The following TRHDE variants were observed in gnomAD, a reference collection of about 807,000 sequenced individuals.
The protein encoded by TRHDE is thyrotropin releasing hormone degrading enzyme, also known as thyrotropin-releasing hormone-degrading ectoenzyme.
A neutral mutation model predicts 125.7 loss-of-function variants in TRHDE; 72 were observed. The ratio of observed to expected loss-of-function variants is 0.57; its 90% confidence interval spans 0.47 to 0.70. The LOEUF (loss-of-function observed/expected upper bound fraction) is 0.70. Among genes scored for constraint, TRHDE ranks in the 30% least tolerant of loss-of-function variants. The pLI, the probability that TRHDE is intolerant of heterozygous loss-of-function variation, is 0.00. For synonymous variants in TRHDE, 509 were observed against 509.1 expected (o/e 1.00, Z 0.00); for missense variants, 1,110 against 1,327.1 (o/e 0.84, Z 2.54).
intron 2 of TRHDE, among the ~76,000 whole-genome samples, chr12:72,294,891 C>T (rs1283963970): frequency 2.0e-5 from 3 of 151,854 alleles, no homozygotes; most frequent in Non-Finnish European, 4.4e-5. Flanking sequence ...TCAACACTGC[C>T]CTGAGCATGT....
intron 3 of TRHDE, among the ~76,000 whole-genome samples, chr12:72,414,299 C>A (rs565889309): frequency 6.6e-6 from 1 of 152,032 alleles, no homozygotes; most frequent in African/African-American, 2.4e-5. Flanking sequence ...AACATCAGAG[C>A]CCAGGAACAC....
intron 2 of TRHDE, among the ~76,000 whole-genome samples, chr12:72,182,535 G>A (rs1448063155): frequency 6.6e-6 from 1 of 152,176 alleles, no homozygotes; most frequent in East Asian, 1.9e-4. Context: ...CGTAGTTGAA[G>A]TTTTCTTCTA....
At chr12:72,349,464 T>G (rs927952053) in intron 2 of TRHDE, among the ~76,000 whole-genome samples, 4 of 152,038 alleles carry the variant, frequency 2.6e-5, no homozygotes, top group African/African-American at 9.7e-5. Context: ...GAACATGGTT[T>G]GATTTTTCTT....
chr12:72,508,940 C>T (rs920330874), intron 6 of TRHDE, among the ~76,000 whole-genome samples: 6 of 152,208 alleles, frequency 3.9e-5, no homozygotes, highest in Non-Finnish European at 8.8e-5. Context: ...CCTCCTTCCT[C>T]TTTGCCTTCT....
chr12:72,148,074 G>A (rs1053559184), intron 2 of TRHDE, among the ~76,000 whole-genome samples: 1 of 152,204 alleles, frequency 6.6e-6, no homozygotes, highest in African/African-American at 2.4e-5. Context: ...AATCCCAGGA[G>A]ATGAGCAGAA....
intron 2 of TRHDE, among the ~76,000 whole-genome samples, chr12:72,358,540 T>C (rs1870924880): frequency 6.6e-6 from 1 of 151,552 alleles, no homozygotes; most frequent in African/African-American, 2.4e-5. Flanking sequence ...TAGTTAAGTT[T>C]TGGGGTAGTT....
intron 2 of TRHDE, among the ~76,000 whole-genome samples, chr12:72,335,737 C>A (rs1869803611): frequency 6.6e-6 from 1 of 152,124 alleles, no homozygotes; most frequent in Non-Finnish European, 1.5e-5. Context: ...ATTGTGGCAA[C>A]AATTCAGAAT....
intron 2 of TRHDE, among the ~76,000 whole-genome samples, chr12:72,371,216 TC>T (rs1161947347): frequency 6.6e-6 from 1 of 151,758 alleles, no homozygotes; most frequent in African/African-American, 2.4e-5. Flanking sequence ...AGCTGAAACT[TC>T]CCCTCCTCTG....
chr12:72,597,758 T>TATATACAC (rs1565804834), intron 12 of TRHDE, among the ~76,000 whole-genome samples: 1 of 20,316 alleles, frequency 4.9e-5, no homozygotes, highest in African/African-American at 2.0e-4. Flanking sequence ...TATATATATA[T>TATATACAC]GCATACACAC....
intron 2 of TRHDE, among the ~76,000 whole-genome samples, chr12:72,129,317 A>G (rs1383567387): frequency 1.3e-5 from 2 of 152,226 alleles, no homozygotes; most frequent in Non-Finnish European, 2.9e-5. Context: ...GGATATACAA[A>G]AAGAAACAAA....
intron 1 of TRHDE, among the ~76,000 whole-genome samples, chr12:72,087,852 T>A (rs535012515): frequency 2.0e-5 from 3 of 152,244 alleles, no homozygotes; most frequent in African/African-American, 7.2e-5. Context: ...GGCCGTTGTG[T>A]GATTCCTCCA....
chr12:72,580,815 G>A (rs1052228152), intron 12 of TRHDE, among the ~76,000 whole-genome samples: 4 of 152,138 alleles, frequency 2.6e-5, no homozygotes, highest in Non-Finnish European at 4.4e-5. Flanking sequence ...TGAACAAGAT[G>A]CATTTCTTAT....
At position 72,360,813 on chromosome 12, in the gene TRHDE, T is replaced by C. The variant is rs184731618; in HGVS notation, c.1189-17182T>C. ...GGGAGTGTTTTGCAGTTATGATAAT[T>C]TACATATTTTAAAATTTAATGTAAT... On this transcript the variant is annotated intron_variant, in intron 2 of 18. Transcript: ENST00000261180. 7.9e-5 allele frequency among the ~76,000 whole-genome samples: 12 copies of C among 151,836 alleles called. No homozygotes were observed. In the East Asian group the frequency reaches 1.2e-3, roughly 15 times the overall value.
chr12:72,476,889 A>G (rs139257764), intron 5 of TRHDE, among the ~76,000 whole-genome samples: 24 of 152,258 alleles, frequency 1.6e-4, no homozygotes, highest in African/African-American at 5.8e-4. Context: ...TCTGATATAG[A>G]ATTAAGGAAT....
At chr12:72,594,692 C>G (rs1326397599) in intron 12 of TRHDE, among the ~76,000 whole-genome samples, 1 of 151,612 alleles carries the variant, frequency 6.6e-6, no homozygotes, top group Non-Finnish European at 1.5e-5. Context: ...TACTTATGAA[C>G]TACTCTAATG....
intron 2 of TRHDE, among the ~76,000 whole-genome samples, chr12:72,169,077 T>C (rs181757839): frequency 6.7e-4 from 102 of 152,182 alleles, no homozygotes; most frequent in African/African-American, 2.1e-3. Context: ...TTCCTTGAAA[T>C]AGGAGAACAG....
Position 72,440,987 on chromosome 12 carries a change from T to C in TRHDE, c.1316-28771T>C, listed in dbSNP as rs534033569. ...AAACAATACACACTTGGCAATTTTTTGGAGTGAAGGATATTCATGTGTTAT... is the reference window on the plus strand; with the variant it reads ...AAACAATACACACTTGGCAATTTTTCGGAGTGAAGGATATTCATGTGTTAT... On this transcript the variant is annotated intron_variant, in intron 3 of 18. Coordinates refer to ENST00000261180, the MANE Select transcript of TRHDE (RefSeq NM_013381.3). Among the ~76,000 whole-genome samples, 15 of 152,010 alleles carry C rather than the reference T, an allele frequency of 9.9e-5. No homozygotes were observed. The South Asian group carries it at 3.1e-3, about 32-fold the overall frequency.
intron 2 of TRHDE, among the ~76,000 whole-genome samples, chr12:72,355,941 A>T (rs1265369794): frequency 6.6e-6 from 1 of 151,650 alleles, no homozygotes; most frequent in Non-Finnish European, 1.5e-5. Flanking sequence ...GAATGCTTAT[A>T]CAGTGTTGAT....
chr12:72,295,101 G>A (rs1455649485), intron 2 of TRHDE, among the ~76,000 whole-genome samples: 1 of 145,776 alleles, frequency 6.9e-6, no homozygotes, highest in Non-Finnish European at 1.5e-5. Flanking sequence ...CCGCAGCTGT[G>A]GTTTGGGTGA....
Sources: allele counts gnomAD v4.1 joint callset (sites outside exome capture counted in the v4.1 genomes callset), GRCh38; gene constraint gnomAD v4.1.1; transcripts MANE v1.5; gene names NCBI Gene and HGNC (gene_info 2026-07-23, HGNC 2026-07-21).